Variants in GNB1 observed in about 807,000 individuals in gnomAD.
GNB1 encodes the protein G protein subunit beta 1, also known as guanine nucleotide-binding protein G(I)/G(S)/G(T) subunit beta-1.
GNB1 carries 2 observed loss-of-function variants against 42.9 expected under a neutral mutation model. That is an observed-to-expected ratio of 0.05 (90% confidence interval 0.02 to 0.15). The LOEUF is 0.15. Ranked by LOEUF, GNB1 falls within the 10% of genes least tolerant of loss-of-function variation. GNB1 has a pLI of 1.00. For synonymous variants in GNB1, 183 were observed against 174.7 expected (o/e 1.05, Z -0.38); for missense variants, 193 against 462.2 (o/e 0.42, Z 5.34).
intron 1 of GNB1, among the ~76,000 whole-genome samples, chr1:1,888,807 C>A (rs1028362200): frequency 1.3e-5 from 2 of 152,136 alleles, no homozygotes; most frequent in African/African-American, 4.8e-5. Flanking sequence ...CCACTGCACT[C>A]CAGCCTGGGC....
At chr1:1,862,701 C>T (rs1648701258) in intron 1 of GNB1, among the ~76,000 whole-genome samples, 1 of 152,084 alleles carries the variant, frequency 6.6e-6, no homozygotes, top group South Asian at 2.1e-4. Flanking sequence ...CTCAAGCAAT[C>T]GGCTGCCTTG....
chr1:1,844,194 C>CA (rs1034906757), intron 1 of GNB1, among the ~76,000 whole-genome samples: 5 of 144,666 alleles, frequency 3.5e-5, no homozygotes, highest in African/African-American at 7.7e-5. Context: ...GACTCCATCT[C>CA]AAAAAAAAAT....
At position 1,789,183 on chromosome 1, in the gene GNB1, C is replaced by T; in HGVS notation, c.786G>A (p.Met262Ile). 1.9e-6 allele frequency: 3 copies of T among 1,613,850 alleles called. No individual in the cohort carries two copies. Among genetic ancestry groups the T allele is most frequent in the Non-Finnish European group, 2.5e-6 (3 of 1,179,730 alleles). The change falls in exon 10 of 12, where the codon ATG becomes ATA. Residue 262 changes from methionine (M) to isoleucine (I), a missense_variant. Met to Ile is a conservative substitution (Grantham distance 10). This residue lies in a region of GNB1 where 150 missense variants were observed against 410.8 expected (regional missense o/e 0.37). Coordinates refer to ENST00000378609, the MANE Select transcript of GNB1 (RefSeq NM_002074.5). ...LFDLRADQEL[M>I]TYSHDNIICG... ...AGATGATGTTGTCATGGGAGTAAGT[C>T]ATGAGCTCCTGGTCAGCACGAAGGT...
At chr1:1,831,275 T>C (rs1647071987) in intron 2 of GNB1, among the ~76,000 whole-genome samples, 1 of 152,096 alleles carries the variant, frequency 6.6e-6, no homozygotes, top group African/African-American at 2.4e-5. Context: ...AGTTCAAGGC[T>C]GCAGTGAGCT....
chr1:1,868,806 T>C (rs542440935), intron 1 of GNB1, among the ~76,000 whole-genome samples: 6 of 151,544 alleles, frequency 4.0e-5, no homozygotes, highest in African/African-American at 1.2e-4. Context: ...GAAAAAGTTT[T>C]AGGCCTAACA....
intron 1 of GNB1, among the ~76,000 whole-genome samples, chr1:1,890,155 G>A (rs2101985214): frequency 6.6e-6 from 1 of 152,262 alleles, no homozygotes; most frequent in South Asian, 2.1e-4. Flanking sequence ...CCCGGGCCTC[G>A]GCAGGAGAAG....
intron 3 of GNB1, 148 bp from the exon 4 acceptor site, chr1:1,818,023 A>C: frequency 3.5e-5 from 22 of 632,150 alleles, no homozygotes; most frequent in East Asian, 5.8e-5. Context: ...CTTGCATCTC[A>C]ACACCCCATG....
chr1:1,804,221 C>T (rs889709110), intron 7 of GNB1, among the ~76,000 whole-genome samples, 198 bp downstream of exon 7: 2 of 152,018 alleles, frequency 1.3e-5, no homozygotes, highest in African/African-American at 4.8e-5. Context: ...GGCGTGAACA[C>T]CCAGGAGGCG....
chr1:1,888,663 C>T lies in GNB1; in HGVS notation c.-96+2157G>A, dbSNP rs1650292882. On this transcript the variant is annotated intron_variant, in intron 1 of 11. Transcript: ENST00000378609. ...GACCAGCTTGGCCAACATGGTGAAACCCTATCTCTACTAAAAATACAAAAA... is the reference window on the plus strand; with the variant it reads ...GACCAGCTTGGCCAACATGGTGAAATCCTATCTCTACTAAAAATACAAAAA... Among the ~76,000 whole-genome samples, 2 of 152,114 alleles carry T rather than the reference C, an allele frequency of 1.3e-5. 1 individual carries two copies. Among genetic ancestry groups the T allele is most frequent in the Non-Finnish European group, 2.9e-5 (2 of 68,008 alleles).
chr1:1,833,907 C>G (rs1045242880), intron 2 of GNB1, among the ~76,000 whole-genome samples: 5 of 152,126 alleles, frequency 3.3e-5, no homozygotes, highest in African/African-American at 1.2e-4. Context: ...AGCTCTAGAA[C>G]TAGAAGACAG....
At chr1:1,869,814 A>G (rs938090506) in intron 1 of GNB1, among the ~76,000 whole-genome samples, 1 of 152,200 alleles carries the variant, frequency 6.6e-6, no homozygotes. Flanking sequence ...ACACTTGTAC[A>G]ACACAACTTG....
chr1:1,799,552 G>A (rs1406488949), intron 7 of GNB1, among the ~76,000 whole-genome samples: 1 of 152,186 alleles, frequency 6.6e-6, no homozygotes, highest in South Asian at 2.1e-4. Flanking sequence ...GGGTCAGTGT[G>A]AGCTGCCTGG....
chr1:1,788,888 T>G, intron 10 of GNB1, 165 bp downstream of exon 10: 1 of 597,958 alleles, frequency 1.7e-6, no homozygotes, highest in South Asian at 1.9e-5. Context: ...TCCACTTGCC[T>G]GGAGGGTCAG....
At chr1:1,874,882 G>A (rs1649454997) in intron 1 of GNB1, among the ~76,000 whole-genome samples, 1 of 152,094 alleles carries the variant, frequency 6.6e-6, no homozygotes, top group African/African-American at 2.4e-5. Flanking sequence ...CCTTTTTGAT[G>A]CCAGGGACCG....
At chr1:1,826,489 A>ACCC (rs1181418961) in intron 2 of GNB1, among the ~76,000 whole-genome samples, 1 of 152,116 alleles carries the variant, frequency 6.6e-6, no homozygotes, top group Non-Finnish European at 1.5e-5. Flanking sequence ...ACTTCAGGGA[A>ACCC]CGGGGGTGAG....
At chr1:1,840,285 T>C (rs192735640) in intron 1 of GNB1, among the ~76,000 whole-genome samples, 10 of 151,016 alleles carry the variant, frequency 6.6e-5, no homozygotes, top group African/African-American at 2.2e-4. Flanking sequence ...TCCCAGCACT[T>C]TGGGAGACCA....
chr1:1,835,166 T>C (rs1235581698), intron 2 of GNB1, among the ~76,000 whole-genome samples: 1 of 152,158 alleles, frequency 6.6e-6, no homozygotes, highest in Non-Finnish European at 1.5e-5. Context: ...AAAACTTCCG[T>C]GTTTTTATTG....
Position 1,863,147 on chromosome 1 carries a change from C to T in GNB1, c.-95-23909G>A, listed in dbSNP as rs933706206. On this transcript the variant is annotated intron_variant, in intron 1 of 11. Coordinates refer to ENST00000378609, the MANE Select transcript of GNB1 (RefSeq NM_002074.5). ...GATGAACACAATCCTTGGTCACTGC[C>T]CCTCTTCAGCCATCAGTCTACAAAT... Among the ~76,000 whole-genome samples, 11 of 152,182 alleles carry T rather than the reference C, an allele frequency of 7.2e-5. No individual in the cohort carries two copies. The South Asian group carries it at 1.0e-3, about 14-fold the overall frequency.
intron 1 of GNB1, 33 bp downstream of exon 1, chr1:1,890,787 C>G (rs966845977): frequency 6.7e-6 from 1 of 148,482 alleles, no homozygotes; most frequent in East Asian, 2.0e-4. Context: ...ACGAACAGGA[C>G]CCGGGTCCGG....
Sources: gnomAD v4.1 joint callset for allele counts (sites outside exome capture counted in the v4.1 genomes callset) on GRCh38, gnomAD v4.1.1 for gene constraint, gnomAD v4.1.1 regional missense constraint, MANE v1.5 for transcripts, NCBI Gene and HGNC (gene_info 2026-07-23, HGNC 2026-07-21) for gene names.